The following GIGYF2 variants were observed in gnomAD, a reference collection of about 807,000 sequenced individuals.
GIGYF2 encodes the protein GRB10 interacting GYF protein 2.
GIGYF2 carries 25 observed loss-of-function variants against 208.1 expected under a neutral mutation model. That is an observed-to-expected ratio of 0.12 (90% CI 0.09 to 0.17). The LOEUF (loss-of-function observed/expected upper bound fraction) is 0.17, where lower values mean the gene tolerates loss of function less well. GIGYF2 is among the 10% of genes least tolerant of loss of function. The probability of loss-of-function intolerance (pLI) is 1.00; values close to 1 mark genes in which losing one functional copy is unlikely to be tolerated. For synonymous variants in GIGYF2, 534 were observed against 543.8 expected (o/e 0.98, Z 0.25); for missense variants, 1,302 against 1,579.4 (o/e 0.82, Z 2.98).
chr2:232,849,599 A>G (rs1448310400), intron 27 of GIGYF2, among the ~76,000 whole-genome samples: 5 of 152,316 alleles, frequency 3.3e-5, no homozygotes, highest in African/African-American at 4.8e-5. Context: ...GCGCACGCAT[A>G]CACACATGCT....
intron 2 of GIGYF2, chr2:232,729,525 A>G (rs2106286426): frequency 1.5e-6 from 2 of 1,303,840 alleles, no homozygotes; most frequent in South Asian, 3.2e-5. Flanking sequence ...GATGGATTTT[A>G]GATTTTGTTG....
intron 21 of GIGYF2, among the ~76,000 whole-genome samples, chr2:232,829,549 C>G (rs980479011): frequency 6.6e-6 from 1 of 152,202 alleles, no homozygotes; most frequent in Admixed American, 6.5e-5. Flanking sequence ...CAGCAGAAAT[C>G]TCTAATCTCA....
At chr2:232,816,683 GAA>G (rs1209523010) in intron 19 of GIGYF2, among the ~76,000 whole-genome samples, 186 bp from the exon 20 acceptor site, 1 of 152,172 alleles carries the variant, frequency 6.6e-6, no homozygotes, top group Admixed American at 6.5e-5. Context: ...TTTAAAGGTT[GAA>G]TAGTATTAAT....
intron 1 of GIGYF2, among the ~76,000 whole-genome samples, chr2:232,699,493 A>C (rs1695749575): frequency 6.6e-6 from 1 of 152,184 alleles, no homozygotes. Flanking sequence ...CAACCCCCTT[A>C]ACTCCCATCC....
chr2:232,785,125 A>G (rs1699870932), intron 8 of GIGYF2, among the ~76,000 whole-genome samples: 1 of 151,788 alleles, frequency 6.6e-6, no homozygotes, highest in African/African-American at 2.4e-5. Context: ...AGCCTCAGGT[A>G]TTCCTTTATA....
At chr2:232,847,686 T>C (rs1024886275) in intron 27 of GIGYF2, 115 bp downstream of exon 27, 8 of 1,415,080 alleles carry the variant, frequency 5.7e-6, no homozygotes, top group Non-Finnish European at 2.9e-6. Flanking sequence ...CCAATAACCA[T>C]GCTTTAAAAA....
chr2:232,710,153 G>T (rs1428117373), intron 2 of GIGYF2, among the ~76,000 whole-genome samples: 1 of 151,766 alleles, frequency 6.6e-6, no homozygotes, highest in Non-Finnish European at 1.5e-5. Context: ...TAGAGATGGG[G>T]TTTTACCATG....
rs34222655 is a variant in GIGYF2 at position 232,806,015 on chromosome 2, GT to G, written c.1640-470del. ...ATTATAAAACATTTAGAGAATACTC[GT>G]TTTTTCCCCACTACCAAGATCAGAG... On this transcript the variant is annotated intron_variant, in intron 14 of 28. Coordinates refer to ENST00000373563, the MANE Select transcript of GIGYF2 (RefSeq NM_001103146.3). This position sits in a 1 kb window ranked among gnomAD's most constrained non-coding sequence, Gnocchi z 4.0. 6.6e-6 allele frequency among the ~76,000 whole-genome samples: 1 copy of G among 151,960 alleles called. No individual in the cohort carries two copies. Among genetic ancestry groups the G allele is most frequent in the Non-Finnish European group, 1.5e-5 (1 of 67,992 alleles).
chr2:232,833,067 C>G lies in GIGYF2; in HGVS notation c.2740C>G (p.Gln914Glu). 6.4e-7 allele frequency: 1 copy of G among 1,552,562 alleles called. No homozygotes were observed. Among genetic ancestry groups the G allele is most frequent in the Non-Finnish European group, 8.7e-7 (1 of 1,147,476 alleles). The stretch of plus-strand genomic sequence containing the variant: ...TCTCCGGAGGTTGCAGCAGCAGCAG[C>G]AGCAACAACAGCTGGCGCAGATGAA... ...EALRRLQQQQQQQQLAQMKLP... is the reference protein window; with the variant it reads ...EALRRLQQQQEQQQLAQMKLP... The change falls in exon 22 of 29, where the codon CAG (glutamine) becomes GAG (glutamate). Residue 914 changes from glutamine to glutamate, a missense_variant. Gln to Glu is a conservative substitution (Grantham distance 29). This residue lies in a region of GIGYF2 where 701 missense variants were observed against 793.0 expected (regional missense o/e 0.88). Transcript: ENST00000373563.
At chr2:232,815,901 C>T (rs79154830) in intron 19 of GIGYF2, 164 bp downstream of exon 19, 46 of 596,810 alleles carry the variant, frequency 7.7e-5, no homozygotes, top group Middle Eastern at 4.4e-4. Flanking sequence ...GCTCTCTTCT[C>T]CCAAAAAAAA....
chr2:232,791,219 A>G, intron 11 of GIGYF2, 39 bp from the exon 12 acceptor site: 1 of 1,613,890 alleles, frequency 6.2e-7, no homozygotes. Flanking sequence ...ATCAAACCAA[A>G]ACTTTCGTAA....
intron 3 of GIGYF2, among the ~76,000 whole-genome samples, chr2:232,747,034 A>G (rs1466309514): frequency 6.6e-6 from 1 of 152,214 alleles, no homozygotes; most frequent in East Asian, 1.9e-4. Context: ...TGCATTTTAT[A>G]TAAAAATTAT....
Position 232,839,917 on chromosome 2 carries a change from G to A in GIGYF2, c.2835G>A (p.Ser945=), listed in dbSNP as rs141356541. ...TTACQSQATL[S]LAEIQKLEEE... is the part of the protein sequence containing the mutation. The stretch of plus-strand genomic sequence containing the variant: ...CATGTCAGTCCCAGGCCACGCTGTC[G>A]TTGGCTGAAATCCAAAAACTAGAGG... The change falls in exon 23 of 29, where the codon TCG becomes TCA. Residue 945 remains serine, a synonymous_variant. Transcript: ENST00000373563. The A allele has an allele frequency of 1.5e-5, 24 of 1,613,896 alleles. No individual in the cohort carries two copies. In the East Asian group the frequency reaches 1.8e-4, roughly 12 times the overall value.
At position 232,791,064 on chromosome 2, in the gene GIGYF2, C is replaced by T. The variant is rs772152426; in HGVS notation, c.987C>T (p.Asp329=). Residue 329 remains aspartate (D), a synonymous_variant, in exon 11 of 29, where the codon GAC becomes GAT. Coordinates refer to ENST00000373563, the MANE Select transcript of GIGYF2 (RefSeq NM_001103146.3). ...AGGAGATGGACTTCCGGCCTGTGGA[C>T]GAAGGGGAGGAGTGCTCTGACTCTG... ...EEQEMDFRPV[D]EGEECSDSEG... 1.8e-5 allele frequency: 29 copies of T among 1,613,636 alleles called. No homozygotes were observed. In the South Asian group the frequency reaches 2.3e-4, roughly 13 times the overall value.
intron 16 of GIGYF2, among the ~76,000 whole-genome samples, chr2:232,810,152 C>T (rs1463857035): frequency 6.6e-6 from 1 of 152,118 alleles, no homozygotes; most frequent in Non-Finnish European, 1.5e-5. Flanking sequence ...CACGCCCAGC[C>T]TATTTTTGTA....
chr2:232,833,147 G>T, intron 22 of GIGYF2, 54 bp downstream of exon 22: 1 of 1,175,594 alleles, frequency 8.5e-7, no homozygotes, highest in Admixed American at 2.0e-5. Flanking sequence ...TTTTAGTTAG[G>T]TAGGTGCTGG....
chr2:232,791,159 G>T lies in GIGYF2; in HGVS notation c.1082G>T (p.Arg361Ile). Reference sequence around the variant, plus strand: ...AAGAAAGAAGGAGAGAAAACAGATAGAGTAGGAGTTGGTAAGGCCTCTTCT... The same window carrying T: ...AAGAAAGAAGGAGAGAAAACAGATATAGTAGGAGTTGGTAAGGCCTCTTCT... ...TNKKEGEKTD[R>I]VGVEASEETP... Residue 361 changes from arginine to isoleucine, a missense_variant, in exon 11 of 29, where the codon AGA (arginine) becomes ATA (isoleucine). Arg to Ile is a moderately conservative substitution (Grantham distance 97, BLOSUM62 -3). Coordinates refer to ENST00000373563, the MANE Select transcript of GIGYF2 (RefSeq NM_001103146.3). 1 of 1,614,026 alleles carries T rather than the reference G, an allele frequency of 6.2e-7. No individual in the cohort carries two copies. The highest frequency in any genetic ancestry group is 1.1e-5 in the South Asian group (1 of 91,056).
chr2:232,707,828 G>A (rs1289625456), intron 2 of GIGYF2, among the ~76,000 whole-genome samples: 1 of 151,944 alleles, frequency 6.6e-6, no homozygotes, highest in Non-Finnish European at 1.5e-5. Context: ...AGTAGAGACT[G>A]GGTTTCACCA....
intron 1 of GIGYF2, among the ~76,000 whole-genome samples, chr2:232,701,786 G>T (rs1226778542): frequency 6.6e-6 from 1 of 152,000 alleles, no homozygotes; most frequent in Non-Finnish European, 1.5e-5. Context: ...AAGTAGCCAT[G>T]TTATAATGTC....
Sources: allele counts gnomAD v4.1 joint callset (sites outside exome capture counted in the v4.1 genomes callset), GRCh38; gene constraint gnomAD v4.1.1; regional missense constraint gnomAD v4.1.1; non-coding constraint Gnocchi (gnomAD v3.1); transcripts MANE v1.5; gene names NCBI Gene and HGNC (gene_info 2026-07-23, HGNC 2026-07-21).